Variants in RNF13 observed in about 807,000 individuals in gnomAD.
RNF13 encodes ring finger protein 13, also known as E3 ubiquitin-protein ligase RNF13.
RNF13 carries 19 observed loss-of-function variants against 37.7 expected under a neutral mutation model. The ratio of observed to expected loss-of-function variants is 0.50; its 90% CI spans 0.35 to 0.74. The LOEUF (loss-of-function observed/expected upper bound fraction) is 0.74. RNF13 is among the 30% of genes least tolerant of loss of function. The probability of loss-of-function intolerance (pLI) is 0.01; values close to 1 mark genes in which losing one functional copy is unlikely to be tolerated. For synonymous variants in RNF13, 144 were observed against 157.8 expected, an observed-to-expected ratio of 0.91 and a Z score of 0.65; for missense variants, 375 against 453.0, an observed-to-expected ratio of 0.83 and a Z score of 1.56.
chr3:149,879,856 A>G (rs1713178438), intron 4 of RNF13, among the ~76,000 whole-genome samples: 1 of 152,070 alleles, frequency 6.6e-6, no homozygotes, highest in Admixed American at 6.5e-5. Context: ...AATACTGTGT[A>G]TTTTCTAATT....
chr3:149,873,059 G>C (rs1348152363), intron 4 of RNF13, among the ~76,000 whole-genome samples: 1 of 152,182 alleles, frequency 6.6e-6, no homozygotes, highest in Non-Finnish European at 1.5e-5. Flanking sequence ...TAGACTTCCT[G>C]CTCCTCAGAG....
At chr3:149,958,107 G>C (rs1006199695) in intron 8 of RNF13, among the ~76,000 whole-genome samples, 1 of 152,134 alleles carries the variant, frequency 6.6e-6, no homozygotes, top group African/African-American at 2.4e-5. Context: ...AAATCATCAA[G>C]TCTATACATT....
intron 8 of RNF13, among the ~76,000 whole-genome samples, chr3:149,941,565 AGAAGTTCCTTATATAGTCTG>A (rs1720283174): frequency 6.8e-6 from 1 of 147,828 alleles, no homozygotes; most frequent in Admixed American, 6.8e-5. Context: ...GTTGAGTTGT[AGAAGTTCCTTATATAGTCTG>A]GATATTAACC....
chr3:149,840,530 G>C (rs571377072), intron 1 of RNF13, among the ~76,000 whole-genome samples: 1 of 152,150 alleles, frequency 6.6e-6, no homozygotes, highest in African/African-American at 2.4e-5. Context: ...TCCCAGAATG[G>C]TTCTAAAATA....
chr3:149,961,958 T>G lies in RNF13; in HGVS notation c.*854T>G, dbSNP rs1472045980. On this transcript the variant is annotated 3_prime_UTR_variant, in exon 10 of 10. Transcript: ENST00000392894. ...ATTGGATTTGAAAGTAAGTGACTTATGTTTAACAGAACTAATGATGTATTG... is the reference window on the plus strand; with the variant it reads ...ATTGGATTTGAAAGTAAGTGACTTAGGTTTAACAGAACTAATGATGTATTG... The G allele has an allele frequency of 6.5e-6, 1 of 152,682 alleles. No individual in the cohort carries two copies. The highest frequency in any genetic ancestry group is 1.5e-5 in the Non-Finnish European group (1 of 68,054). 9.5% of individuals were successfully genotyped at this position (152,682 alleles called of 1,614,324 possible).
At chr3:149,877,863 T>C (rs1010641820) in intron 4 of RNF13, among the ~76,000 whole-genome samples, 2 of 152,176 alleles carry the variant, frequency 1.3e-5, no homozygotes, top group African/African-American at 4.8e-5. Context: ...ATCAAACAGC[T>C]TTGTGCTGCT....
chr3:149,877,763 T>C (rs985609354), intron 4 of RNF13, among the ~76,000 whole-genome samples: 2 of 152,162 alleles, frequency 1.3e-5, no homozygotes, highest in Non-Finnish European at 2.9e-5. Context: ...GTTATTAATC[T>C]ACTTCAGAAT....
At chr3:149,914,185 CT>C (rs978015730) in intron 7 of RNF13, among the ~76,000 whole-genome samples, 2 of 151,732 alleles carry the variant, frequency 1.3e-5, no homozygotes, top group Non-Finnish European at 1.5e-5. Context: ...AACGCTATCC[CT>C]TTTTTTTATT....
At chr3:149,916,516 G>T (rs1018567073) in intron 7 of RNF13, among the ~76,000 whole-genome samples, 3 of 152,116 alleles carry the variant, frequency 2.0e-5, no homozygotes, top group African/African-American at 7.2e-5. Context: ...CTGATGTTAA[G>T]TAGCTTACAT....
Position 149,907,631 on chromosome 3 carries a change from C to T in RNF13, c.501-4347C>T, listed in dbSNP as rs549770159. On this transcript the variant is annotated intron_variant, in intron 6 of 9. Coordinates refer to ENST00000392894, the MANE Select transcript of RNF13 (RefSeq NM_183381.3). Reference sequence around the variant, plus strand: ...TGATCTTCAACAAAAAATTTATTATCTCTGGGCCGTAGCCTCTCTCCTCAT... The same window carrying T: ...TGATCTTCAACAAAAAATTTATTATTTCTGGGCCGTAGCCTCTCTCCTCAT... Among the ~76,000 whole-genome samples, 5 of 152,246 alleles carry T rather than the reference C, an allele frequency of 3.3e-5. No homozygotes were observed. The South Asian group carries it at 1.0e-3, about 32-fold the overall frequency.
At chr3:149,830,826 C>A (rs1319998182) in intron 1 of RNF13, among the ~76,000 whole-genome samples, 1 of 152,150 alleles carries the variant, frequency 6.6e-6, no homozygotes, top group Non-Finnish European at 1.5e-5. Flanking sequence ...CGCCCAGAGG[C>A]CTAGGAGGAA....
chr3:149,895,960 G>A (rs1715215582), intron 5 of RNF13, among the ~76,000 whole-genome samples: 1 of 152,088 alleles, frequency 6.6e-6, no homozygotes, highest in South Asian at 2.1e-4. Context: ...ACATACTTGT[G>A]CTTCCTTATA....
intron 8 of RNF13, among the ~76,000 whole-genome samples, chr3:149,941,705 C>T (rs1287341169): frequency 1.3e-5 from 2 of 151,508 alleles, no homozygotes; most frequent in Non-Finnish European, 1.5e-5. Context: ...TCCCATTTGT[C>T]TATTTTTTTC....
intron 1 of RNF13, among the ~76,000 whole-genome samples, chr3:149,833,300 A>C (rs1721260979): frequency 6.6e-6 from 1 of 151,970 alleles, no homozygotes; most frequent in African/African-American, 2.4e-5. Context: ...TTGTATTTTT[A>C]GTAGAGGCAG....
intron 7 of RNF13, among the ~76,000 whole-genome samples, chr3:149,919,775 G>A (rs564724377): frequency 6.6e-6 from 1 of 152,198 alleles, no homozygotes; most frequent in African/African-American, 2.4e-5. Context: ...AGGACAGTTG[G>A]GTCACAGGAT....
Position 149,870,434 on chromosome 3 carries a change from T to C in RNF13, c.196-1595T>C, listed in dbSNP as rs901506153. ...TTATTTCTGGCCGTAATCTCATTGC[T>C]GTACATTTGTTTTTCTTTTTCTATG... On this transcript the variant is annotated intron_variant, in intron 3 of 9. Coordinates refer to ENST00000392894, the MANE Select transcript of RNF13 (RefSeq NM_183381.3). Among the ~76,000 whole-genome samples, 7 of 151,878 alleles carry C rather than the reference T, an allele frequency of 4.6e-5. 1 individual carries two copies. The highest frequency in any genetic ancestry group is 1.7e-4 in the African/African-American group (7 of 41,424).
chr3:149,932,788 G>T (rs941641213), intron 8 of RNF13, among the ~76,000 whole-genome samples: 1 of 152,202 alleles, frequency 6.6e-6, no homozygotes, highest in Non-Finnish European at 1.5e-5. Flanking sequence ...GCAAGCTGCT[G>T]GTGGCTCTAC....
intron 1 of RNF13, among the ~76,000 whole-genome samples, chr3:149,830,587 A>G (rs1358065660): frequency 8.4e-6 from 1 of 118,792 alleles, no homozygotes; most frequent in African/African-American, 3.4e-5. Flanking sequence ...ATTCACAAAA[A>G]TACGGTTTGG....
intron 7 of RNF13, among the ~76,000 whole-genome samples, chr3:149,919,642 C>A (rs1418591160): frequency 2.0e-5 from 3 of 152,254 alleles, no homozygotes; most frequent in African/African-American, 7.2e-5. Context: ...TTTGTTTACC[C>A]ATTTACCTAT....
Sources: gnomAD v4.1 joint callset for allele counts (sites outside exome capture counted in the v4.1 genomes callset) on GRCh38, gnomAD v4.1.1 for gene constraint, MANE v1.5 for transcripts, NCBI Gene and HGNC (gene_info 2026-07-23, HGNC 2026-07-21) for gene names.